Variants in SLIT2 observed in about 807,000 individuals in gnomAD.
SLIT2 encodes slit homolog 2 protein.
Under a neutral mutation model 185.7 loss-of-function variants are expected in SLIT2, and 41 were observed. The ratio of observed to expected loss-of-function variants is 0.22; its 90% CI spans 0.17 to 0.29. SLIT2 has a LOEUF of 0.29. SLIT2 is among the 10% of genes least tolerant of loss of function. The pLI is 1.00. For synonymous variants in SLIT2, 693 were observed against 680.2 expected (o/e 1.02, Z -0.29); for missense variants, 1,571 against 1,909.0 (o/e 0.82, Z 3.30).
chr4:20,263,010 T>TGCC (rs1207490383), intron 3 of SLIT2, among the ~76,000 whole-genome samples: 1 of 151,842 alleles, frequency 6.6e-6, no homozygotes, highest in Non-Finnish European at 1.5e-5. Flanking sequence ...GTTTGCTGGA[T>TGCC]GCCGTGTCCT....
intron 21 of SLIT2, among the ~76,000 whole-genome samples, chr4:20,544,881 A>G (rs1723113655): frequency 6.6e-6 from 1 of 152,040 alleles, no homozygotes; most frequent in Non-Finnish European, 1.5e-5. Context: ...GCTTCCCTCT[A>G]GTGGTATCAA....
intron 4 of SLIT2, among the ~76,000 whole-genome samples, chr4:20,357,670 G>T (rs1320162955): frequency 1.3e-5 from 2 of 152,058 alleles, no homozygotes; most frequent in Non-Finnish European, 2.9e-5. Context: ...GATGTGAAAA[G>T]AAAGACAAAA....
chr4:20,309,529 AAAAAAT>A (rs1273657775), intron 4 of SLIT2, among the ~76,000 whole-genome samples: 2 of 152,004 alleles, frequency 1.3e-5, no homozygotes, highest in Non-Finnish European at 2.9e-5. Context: ...TTCTGTCCTC[AAAAAAT>A]AAAAATAAAA....
chr4:20,418,994 T>C (rs1373734654), intron 4 of SLIT2, among the ~76,000 whole-genome samples: 1 of 152,194 alleles, frequency 6.6e-6, no homozygotes, highest in Non-Finnish European at 1.5e-5. Flanking sequence ...ATACTTTCTG[T>C]TTCCCTTAAA....
At chr4:20,616,853 G>A in intron 34 of SLIT2, 57 bp from the exon 35 acceptor site, 1 of 1,519,044 alleles carries the variant, frequency 6.6e-7, no homozygotes, top group South Asian at 1.3e-5. Context: ...TTTCTGAGTA[G>A]CAAATGGCTC....
intron 9 of SLIT2, among the ~76,000 whole-genome samples, chr4:20,509,491 C>G (rs904499726): frequency 2.6e-5 from 4 of 152,078 alleles, no homozygotes; most frequent in African/African-American, 9.7e-5. Flanking sequence ...GGCTTCTTCT[C>G]CCCGCCAACC....
At chr4:20,333,911 G>T (rs919808759) in intron 4 of SLIT2, among the ~76,000 whole-genome samples, 3 of 152,132 alleles carry the variant, frequency 2.0e-5, no homozygotes, top group African/African-American at 7.2e-5. Context: ...GCTTTGGATT[G>T]TTGCCTAATA....
chr4:20,473,542 T>G (rs67159976), intron 5 of SLIT2, among the ~76,000 whole-genome samples: 25,435 of 151,914 alleles, frequency 0.17, 2,172 homozygotes, highest in Middle Eastern at 0.24. Context: ...CACCTATGTG[T>G]TGTTACAGAG....
chr4:20,428,581 A>G (rs567651277), intron 4 of SLIT2, among the ~76,000 whole-genome samples: 2 of 152,306 alleles, frequency 1.3e-5, no homozygotes, highest in Admixed American at 1.3e-4. Context: ...GTTGGGTTCT[A>G]TAATTTGGAC....
At chr4:20,292,779 T>G (rs1716086139) in intron 4 of SLIT2, among the ~76,000 whole-genome samples, 1 of 152,192 alleles carries the variant, frequency 6.6e-6, no homozygotes, top group South Asian at 2.1e-4. Flanking sequence ...CTTCCTAGCT[T>G]TTTCTTTTTT....
chr4:20,570,285 A>G (rs1029308538), intron 29 of SLIT2, among the ~76,000 whole-genome samples: 1 of 152,016 alleles, frequency 6.6e-6, no homozygotes, highest in African/African-American at 2.4e-5. Context: ...TAGTGGGTGG[A>G]ATTTTAGCAT....
intron 10 of SLIT2, 30 bp downstream of exon 10, chr4:20,510,596 A>G: frequency 1.4e-6 from 2 of 1,400,208 alleles, no homozygotes; most frequent in Non-Finnish European, 2.0e-6. Context: ...CAATATATGT[A>G]ATTTTAAAAA....
chr4:20,598,268 G>T lies in SLIT2; in HGVS notation c.3565G>T (p.Ala1189Ser). The change falls in exon 33 of 37, where the codon GCC becomes TCC. Residue 1189 changes from alanine to serine, a missense_variant. Coordinates refer to ENST00000504154, the MANE Select transcript of SLIT2 (RefSeq NM_004787.4). ...RPQTNITLQI[A>S]TDEDSGILLY... ...TGCCAGGGTTACTTTCTACTAGATT[G>T]CCACAGATGAAGACAGCGGAATCCT... is the stretch of plus-strand genomic sequence containing the variant. The T allele has an allele frequency of 2.5e-6, 4 of 1,613,824 alleles. No homozygotes were observed. Among genetic ancestry groups the T allele is most frequent in the Non-Finnish European group, 3.4e-6 (4 of 1,179,834 alleles).
In SLIT2 at chr4:20,528,333, G is replaced by T. The variant is rs572581106; in HGVS notation, c.1463-616G>T. ...ATCTAACCATGTGGTTGCGAGGTAT[G>T]AGTAAAACATGGTTCCGTCAAGCAC... On this transcript the variant is annotated intron_variant, in intron 15 of 36. Coordinates refer to ENST00000504154, the MANE Select transcript of SLIT2 (RefSeq NM_004787.4). This position sits in a 1 kb window ranked among gnomAD's most constrained non-coding sequence, Gnocchi z 4.2. 2.4e-5 allele frequency: 13 copies of T among 534,622 alleles called. No individual in the cohort carries two copies. In the East Asian group the frequency reaches 7.1e-4, roughly 29 times the overall value. The allele number at this position is 534,622 out of a possible 1,614,324, so 33.1% of individuals were successfully genotyped here. A position where few individuals can be genotyped will look rare whatever the true frequency, so the allele number is the denominator to read the frequency against.
intron 4 of SLIT2, among the ~76,000 whole-genome samples, chr4:20,371,198 C>A (rs892439035): frequency 2.6e-5 from 4 of 151,968 alleles, no homozygotes; most frequent in Non-Finnish European, 4.4e-5. Context: ...TGCACACTTA[C>A]ACTAATGCAC....
At chr4:20,379,933 T>C (rs574190651) in intron 4 of SLIT2, among the ~76,000 whole-genome samples, 89 of 151,914 alleles carry the variant, frequency 5.9e-4, no homozygotes, top group South Asian at 5.0e-3. Context: ...ATTTGAGGGG[T>C]AAAATAGCAT....
intron 4 of SLIT2, among the ~76,000 whole-genome samples, chr4:20,353,753 A>G (rs1722073157): frequency 6.6e-6 from 1 of 152,194 alleles, no homozygotes; most frequent in African/African-American, 2.4e-5. Context: ...TGTGCCAGAC[A>G]AGGAAGTGAC....
At chr4:20,513,109 A>G (rs1319372637) in intron 11 of SLIT2, among the ~76,000 whole-genome samples, 2 of 152,222 alleles carry the variant, frequency 1.3e-5, no homozygotes, top group Admixed American at 6.5e-5. Flanking sequence ...TGCTACATTG[A>G]AATCTAAGGC....
intron 31 of SLIT2, 36 bp from the exon 32 acceptor site, chr4:20,596,379 C>A: frequency 6.3e-7 from 1 of 1,597,706 alleles, no homozygotes; most frequent in South Asian, 1.1e-5. Context: ...TAAGTAAAAT[C>A]GTATTAACTA....
Sources: allele counts gnomAD v4.1 joint callset (sites outside exome capture counted in the v4.1 genomes callset), GRCh38; gene constraint gnomAD v4.1.1; non-coding constraint Gnocchi (gnomAD v3.1); transcripts MANE v1.5; gene names NCBI Gene and HGNC (gene_info 2026-07-23, HGNC 2026-07-21).